The following MAPK10 variants were observed in gnomAD, a reference collection of about 807,000 sequenced individuals.
The protein encoded by MAPK10 is mitogen-activated protein kinase 10, also known as JNK3 alpha protein kinase.
Under a neutral mutation model 59.3 loss-of-function variants are expected in MAPK10, and 25 were observed. The observed-to-expected ratio is 0.42, with a 90% CI of 0.31 to 0.59. The LOEUF is 0.59. Among genes scored for constraint, MAPK10 ranks in the 20% least tolerant of loss-of-function variants. The pLI, the probability that MAPK10 is intolerant of heterozygous loss-of-function variation, is 0.15. For missense variants in MAPK10, 351 were observed against 568.9 expected (o/e 0.62, Z 3.90); for synonymous variants, 190 against 200.5 (o/e 0.95, Z 0.44).
At chr4:86,182,795 T>G (rs1459502198) in intron 3 of MAPK10, among the ~76,000 whole-genome samples, 1 of 152,174 alleles carries the variant, frequency 6.6e-6, no homozygotes, top group Non-Finnish European at 1.5e-5. Context: ...GGAAATATTT[T>G]TACTATGCTA....
intron 1 of MAPK10, among the ~76,000 whole-genome samples, chr4:86,507,617 TA>T (rs1465658722): frequency 2.7e-4 from 3 of 11,176 alleles, no homozygotes; most frequent in African/African-American, 1.1e-3. Flanking sequence ...AAACTGGAGA[TA>T]TATATATATA....
At chr4:86,124,345 C>T (rs1296056397) in intron 4 of MAPK10, 1 of 151,716 alleles carries the variant, frequency 6.6e-6, no homozygotes, top group African/African-American at 2.4e-5. Flanking sequence ...ATTTTGGAGA[C>T]AAAGCTGATA....
At chr4:86,340,351 T>G (rs1724173372) in intron 2 of MAPK10, 1 of 153,310 alleles carries the variant, frequency 6.5e-6, no homozygotes, top group Non-Finnish European at 1.5e-5. Flanking sequence ...TTCATCAGGC[T>G]GCACAGAAGC....
At chr4:86,211,480 A>C (rs2085796983) in intron 2 of MAPK10, among the ~76,000 whole-genome samples, 1 of 152,110 alleles carries the variant, frequency 6.6e-6, no homozygotes, top group Non-Finnish European at 1.5e-5. Context: ...AATGTTTAAC[A>C]AAACTGTTTT....
intron 3 of MAPK10, among the ~76,000 whole-genome samples, chr4:86,165,260 C>A (rs1165729921): frequency 6.6e-6 from 1 of 152,152 alleles, no homozygotes; most frequent in East Asian, 1.9e-4. Context: ...CTTCATGATA[C>A]CACTCCAACA....
At chr4:86,040,282 A>T (rs1156710571) in intron 11 of MAPK10, among the ~76,000 whole-genome samples, 1 of 152,122 alleles carries the variant, frequency 6.6e-6, no homozygotes, top group Non-Finnish European at 1.5e-5. Flanking sequence ...TCAAGAAAAC[A>T]ATAAATAAAA....
chr4:86,239,867 T>C (rs1474230246), intron 2 of MAPK10, among the ~76,000 whole-genome samples: 1 of 152,072 alleles, frequency 6.6e-6, no homozygotes, highest in Non-Finnish European at 1.5e-5. Context: ...TCTTCTCTGA[T>C]GTTAGTTATT....
At chr4:86,031,079 C>G (rs1364252658) in intron 12 of MAPK10, among the ~76,000 whole-genome samples, 1 of 152,204 alleles carries the variant, frequency 6.6e-6, no homozygotes, top group East Asian at 1.9e-4. Context: ...GCTTGCCCCC[C>G]ACCATGACAA....
intron 1 of MAPK10, among the ~76,000 whole-genome samples, chr4:86,437,071 A>G (rs765338332): frequency 1.3e-5 from 2 of 151,984 alleles, no homozygotes; most frequent in Admixed American, 1.3e-4. Flanking sequence ...AAAATAAGCC[A>G]GGCGTGGTGG....
At chr4:86,025,473 T>C (rs1749706797) in intron 13 of MAPK10, 4 of 398,342 alleles carry the variant, frequency 1.0e-5, no homozygotes. Context: ...GTTAAATTAC[T>C]GCCAAGCAGT....
intron 9 of MAPK10, among the ~76,000 whole-genome samples, chr4:86,074,722 C>G (rs987711754): frequency 1.5e-4 from 22 of 142,220 alleles, no homozygotes; most frequent in African/African-American, 6.0e-4. Flanking sequence ...AATATTAGCC[C>G]CCACTCTCTT....
intron 1 of MAPK10, among the ~76,000 whole-genome samples, chr4:86,368,282 C>G (rs1373956061): frequency 6.6e-6 from 1 of 152,138 alleles, no homozygotes; most frequent in African/African-American, 2.4e-5. Context: ...ATACCCTACT[C>G]CCTCCCCATA....
At chr4:86,478,783 A>G (rs945344125) in intron 1 of MAPK10, among the ~76,000 whole-genome samples, 4 of 152,152 alleles carry the variant, frequency 2.6e-5, no homozygotes, top group Non-Finnish European at 4.4e-5. Context: ...TATTGATGGC[A>G]GTTCCACCAG....
intron 2 of MAPK10, among the ~76,000 whole-genome samples, chr4:86,282,151 T>C (rs1298368445): frequency 6.6e-6 from 1 of 152,180 alleles, no homozygotes; most frequent in Non-Finnish European, 1.5e-5. Flanking sequence ...GATCTGATTA[T>C]AGAGATAAGC....
chr4:86,090,082 G>A (rs1027319929), intron 9 of MAPK10, among the ~76,000 whole-genome samples: 1 of 152,094 alleles, frequency 6.6e-6, no homozygotes, highest in African/African-American at 2.4e-5. Flanking sequence ...CAGGAAGCCA[G>A]GGCAGAGCGC....
At chr4:86,214,629 T>C (rs965647290) in intron 2 of MAPK10, among the ~76,000 whole-genome samples, 1 of 149,090 alleles carries the variant, frequency 6.7e-6, no homozygotes, top group African/African-American at 2.5e-5. Context: ...CAATGAACAA[T>C]CTGAAAAGGA....
At chr4:86,098,426 T>A in intron 9 of MAPK10, 98 bp downstream of exon 9, 2 of 1,564,516 alleles carry the variant, frequency 1.3e-6, no homozygotes, top group Non-Finnish European at 1.7e-6. Context: ...CTTACCCAAC[T>A]TTTTGCTTCT....
intron 2 of MAPK10, among the ~76,000 whole-genome samples, chr4:86,198,766 ATAAT>A (rs1436662940): frequency 1.1e-4 from 17 of 151,716 alleles, no homozygotes; most frequent in African/African-American, 3.6e-4. Flanking sequence ...AAAATATGTG[ATAAT>A]TAGTATAAAA....
chr4:86,217,028 G>A (rs1422185297), intron 2 of MAPK10, among the ~76,000 whole-genome samples: 1 of 151,972 alleles, frequency 6.6e-6, no homozygotes, highest in Non-Finnish European at 1.5e-5. Flanking sequence ...AGAAACCAGA[G>A]GTCTAAATGG....
Sources: allele counts gnomAD v4.1 joint callset (sites outside exome capture counted in the v4.1 genomes callset), GRCh38; gene constraint gnomAD v4.1.1; transcripts MANE v1.5; gene names NCBI Gene and HGNC (gene_info 2026-07-23, HGNC 2026-07-21).